CATSPERD: variants seen among roughly 807,000 people sequenced by gnomAD.
The protein encoded by CATSPERD is catsper channel auxiliary subunit delta, also known as cation channel sperm-associated auxiliary subunit delta.
A neutral mutation model predicts 98.1 loss-of-function variants in CATSPERD; 86 were observed. The ratio of observed to expected loss-of-function variants is 0.88; its 90% CI spans 0.74 to 1.05. The LOEUF is 1.05. Among genes scored for constraint, CATSPERD ranks in the 50% least tolerant of loss-of-function variants. The pLI is 0.00. For synonymous variants in CATSPERD, 394 were observed against 390.2 expected (o/e 1.01, Z -0.12); for missense variants, 995 against 1,005.7 (o/e 0.99, Z 0.14).
rs200301074 is a variant in CATSPERD at position 5,724,799 on chromosome 19, C to G, written c.72-9C>G. 10 of 1,613,486 alleles carry G rather than the reference C, an allele frequency of 6.2e-6. No individual in the cohort carries two copies. The highest frequency in any genetic ancestry group is 8.5e-6 in the Non-Finnish European group (10 of 1,179,538). On this transcript the variant is annotated splice_polypyrimidine_tract_variant and intron_variant, in intron 1 of 21. Coordinates refer to ENST00000381624, the MANE Select transcript of CATSPERD (RefSeq NM_152784.4). Reference sequence around the variant, plus strand: ...AAAATTGACAGATGGTCTTTCTTGTCACTTCTAGTTCTCGCACAGTGAGGA... The same window carrying G: ...AAAATTGACAGATGGTCTTTCTTGTGACTTCTAGTTCTCGCACAGTGAGGA...
chr19:5,748,836 C>T (rs1211591470), intron 10 of CATSPERD, among the ~76,000 whole-genome samples: 1 of 133,388 alleles, frequency 7.5e-6, no homozygotes, highest in East Asian at 2.5e-4. Context: ...TTAAATGATT[C>T]TCCTGCCTCA....
chr19:5,723,821 G>A (rs1298798749), intron 1 of CATSPERD, among the ~76,000 whole-genome samples: 1 of 150,156 alleles, frequency 6.7e-6, no homozygotes, highest in African/African-American at 2.5e-5. Flanking sequence ...TTGTTGCCCG[G>A]GCTGGAGTGC....
chr19:5,727,113 T>TGAACCTGGGAGCCAAGGGAGGC (rs2055619749), intron 2 of CATSPERD, among the ~76,000 whole-genome samples, 155 bp from the exon 3 acceptor site: 1 of 152,060 alleles, frequency 6.6e-6, no homozygotes, highest in African/African-American at 2.4e-5. Flanking sequence ...GAGAATGGTG[T>TGAACCTGGGAGCCAAGGGAGGC]GAACCTGGGA....
At chr19:5,751,150 A>ATTGCGCCACT (rs2056205991) in intron 11 of CATSPERD, among the ~76,000 whole-genome samples, 1 of 125,502 alleles carries the variant, frequency 8.0e-6, no homozygotes, top group African/African-American at 3.1e-5. Flanking sequence ...GTGGGCTGAG[A>ATTGCGCCACT]TTGCGCCACT....
At chr19:5,767,316 C>CA (rs35758861) in intron 17 of CATSPERD, among the ~76,000 whole-genome samples, 57,630 of 78,602 alleles carry the variant, frequency 0.73, 21,721 homozygotes, top group Non-Finnish European at 0.82. Context: ...GACTCTGTCT[C>CA]AAAAAAAAAA....
At chr19:5,742,642 G>T (rs939879576) in intron 7 of CATSPERD, among the ~76,000 whole-genome samples, 7 of 151,978 alleles carry the variant, frequency 4.6e-5, no homozygotes, top group Non-Finnish European at 1.0e-4. Flanking sequence ...AATTGAAAAA[G>T]AAATGAGCTG....
At chr19:5,777,324 C>T (rs886069883) in intron 21 of CATSPERD, among the ~76,000 whole-genome samples, 4 of 152,136 alleles carry the variant, frequency 2.6e-5, no homozygotes, top group African/African-American at 9.7e-5. Context: ...AGAGAGGAGA[C>T]ATGTGTGGGA....
chr19:5,740,493 C>T (rs539344180), intron 7 of CATSPERD, among the ~76,000 whole-genome samples: 7 of 142,250 alleles, frequency 4.9e-5, no homozygotes, highest in African/African-American at 1.8e-4. Flanking sequence ...AGGCTGAGGC[C>T]GGAGAATCAC....
chr19:5,741,800 G>GGGGGGGT (rs2055976568), intron 7 of CATSPERD, among the ~76,000 whole-genome samples: 2 of 75,746 alleles, frequency 2.6e-5, no homozygotes, highest in African/African-American at 4.4e-5. Context: ...GGGGGGGGGT[G>GGGGGGGT]GTGTGGATCA....
chr19:5,751,154 C>T (rs2056206157), intron 11 of CATSPERD, among the ~76,000 whole-genome samples: 3 of 116,060 alleles, frequency 2.6e-5, no homozygotes, highest in South Asian at 6.0e-4. Context: ...GCTGAGATTG[C>T]GCCACTGCAC....
Position 5,729,939 on chromosome 19 carries a change from A to ATGCAGGTAGTTATT in CATSPERD, c.273_276+10dup. On this transcript the variant is annotated frameshift_variant, in exon 4 of 22. Transcript: ENST00000381624. LOFTEE classifies it high-confidence loss of function. Reference sequence around the variant, plus strand: ...CCTTCCATTTACCATCCCTACATCAATGCAGGTAGTTATTTTACTGAGTGA... The same window carrying ATGCAGGTAGTTATT: ...CCTTCCATTTACCATCCCTACATCAATGCAGGTAGTTATTTGCAGGTAGTTATTTTACTGAGTGA... 1 of 1,564,232 alleles carries ATGCAGGTAGTTATT rather than the reference A, an allele frequency of 6.4e-7. No homozygotes were observed. The highest frequency in any genetic ancestry group is 8.8e-7 in the Non-Finnish European group (1 of 1,138,980).
intron 6 of CATSPERD, 80 bp downstream of exon 6, chr19:5,737,285 G>T: frequency 1.0e-6 from 1 of 975,734 alleles, no homozygotes; most frequent in Non-Finnish European, 1.6e-6. Context: ...TAAAGGCTGG[G>T]CGTGGTGGCT....
intron 7 of CATSPERD, among the ~76,000 whole-genome samples, chr19:5,740,690 C>T (rs1016883705): frequency 4.9e-5 from 7 of 143,388 alleles, no homozygotes; most frequent in African/African-American, 7.8e-5. Flanking sequence ...CGCTTGAACC[C>T]GGGAGGCAGA....
chr19:5,729,899 C>T lies in CATSPERD; in HGVS notation c.231C>T (p.Asn77=), dbSNP rs146515467. The T allele has an allele frequency of 2.4e-4, 382 of 1,597,846 alleles. 2 individuals carry two copies. The African/African-American group carries it at 4.5e-3, about 19-fold the overall frequency. The change falls in exon 4 of 22, where the codon AAC becomes AAT. Residue 77 remains asparagine, a synonymous_variant. Coordinates refer to ENST00000381624, the MANE Select transcript of CATSPERD (RefSeq NM_152784.4). Reference sequence around the variant, plus strand: ...AACAAGTTTTTTTCACAATGGATAACTTTGAGACTAGTCTCCTTCCATTTA... The same window carrying T: ...AACAAGTTTTTTTCACAATGGATAATTTTGAGACTAGTCTCCTTCCATTTA... ...LGKQVFFTMD[N]FETSLLPFTI... is the part of the protein sequence containing the mutation.
chr19:5,767,489 A>ATAT (rs1047284287), intron 17 of CATSPERD, among the ~76,000 whole-genome samples: 8 of 148,020 alleles, frequency 5.4e-5, no homozygotes, highest in African/African-American at 1.5e-4. Context: ...TCCCTTTTAT[A>ATAT]TATTATTATT....
chr19:5,743,664 C>CTT (rs1256155355), intron 7 of CATSPERD, among the ~76,000 whole-genome samples: 2 of 141,912 alleles, frequency 1.4e-5, no homozygotes, highest in Non-Finnish European at 3.1e-5. Flanking sequence ...CTCTCTCTCT[C>CTT]TTCCTCTCTC....
chr19:5,753,992 G>T, intron 12 of CATSPERD, 140 bp from the exon 13 acceptor site: 1 of 648,424 alleles, frequency 1.5e-6, no homozygotes, highest in Non-Finnish European at 2.8e-6. Flanking sequence ...TGGAAATACA[G>T]AGTCTAGTGG....
At chr19:5,749,079 T>A in intron 10 of CATSPERD, 22 bp from the exon 11 acceptor site, 1 of 1,605,046 alleles carries the variant, frequency 6.2e-7, no homozygotes, top group Non-Finnish European at 8.5e-7. Flanking sequence ...ATTTTTGTTT[T>A]GTCTTGTTTT....
intron 19 of CATSPERD, 59 bp from the exon 20 acceptor site, chr19:5,772,729 C>A: frequency 6.5e-7 from 1 of 1,545,040 alleles, no homozygotes; most frequent in Non-Finnish European, 8.8e-7. Flanking sequence ...GGCTGTGGCC[C>A]GGGTCTTCCT....
Sources: gnomAD v4.1 joint callset for allele counts (sites outside exome capture counted in the v4.1 genomes callset) on GRCh38, gnomAD v4.1.1 for gene constraint, MANE v1.5 for transcripts, NCBI Gene and HGNC (gene_info 2026-07-23, HGNC 2026-07-21) for gene names.